The following GALNT13 variants were observed in gnomAD, a reference collection of about 807,000 sequenced individuals.
GALNT13 encodes the protein UDP-GalNAc:polypeptide N-acetylgalactosaminyltransferase 13.
Under a neutral mutation model 64.2 loss-of-function variants are expected in GALNT13, and 28 were observed. The observed-to-expected ratio is 0.44, with a 90% CI of 0.32 to 0.60. The LOEUF is 0.60. GALNT13 is among the 20% of genes least tolerant of loss of function. The pLI, the probability that GALNT13 is intolerant of heterozygous loss-of-function variation, is 0.05. For missense variants in GALNT13, 577 were observed against 669.8 expected, an observed-to-expected ratio of 0.86 and a Z score of 1.53; for synonymous variants, 214 against 224.6, an observed-to-expected ratio of 0.95 and a Z score of 0.42.
chr2:153,637,792 A>G, the GALNT13 span, among the ~76,000 whole-genome samples: 6 of 152,174 alleles, frequency 3.9e-5, no homozygotes, highest in Admixed American at 3.9e-4. Context: ...TTAGGTGCCA[A>G]CTGACATGAT....
chr2:153,502,551 C>G, the GALNT13 span, among the ~76,000 whole-genome samples: 9 of 152,152 alleles, frequency 5.9e-5, no homozygotes, highest in African/African-American at 2.2e-4. Flanking sequence ...TATAAACTTG[C>G]GTGTGCAAGT....
chr2:153,348,904 G>A, the GALNT13 span, among the ~76,000 whole-genome samples: 1 of 152,148 alleles, frequency 6.6e-6, no homozygotes, highest in Non-Finnish European at 1.5e-5. Context: ...TGCCTCTGAG[G>A]ACAGGGATCT....
At chr2:153,367,326 G>A in the GALNT13 span, among the ~76,000 whole-genome samples, 1 of 152,086 alleles carries the variant, frequency 6.6e-6, no homozygotes, top group Admixed American at 6.6e-5. Flanking sequence ...TACATCAGAT[G>A]TGAAGCAGTA....
At chr2:153,236,733 G>A in the GALNT13 span, among the ~76,000 whole-genome samples, 1 of 152,090 alleles carries the variant, frequency 6.6e-6, no homozygotes, top group Non-Finnish European at 1.5e-5. Context: ...CTATGATGGA[G>A]ATGCACAAGG....
At chr2:154,382,948 G>T (rs2105335323) in intron 9 of GALNT13, among the ~76,000 whole-genome samples, 1 of 151,980 alleles carries the variant, frequency 6.6e-6, no homozygotes, top group South Asian at 2.1e-4. Context: ...AGTGCAGAGA[G>T]GTGGGGAGCA....
At chr2:153,679,143 C>T in the GALNT13 span, among the ~76,000 whole-genome samples, 158 of 151,994 alleles carry the variant, frequency 1.0e-3, 1 homozygote, top group Admixed American at 2.2e-3. Flanking sequence ...CCTTGCTTCC[C>T]ACTACATATG....
the GALNT13 span, among the ~76,000 whole-genome samples, chr2:153,561,962 T>C: frequency 2.0e-5 from 3 of 152,114 alleles, no homozygotes; most frequent in South Asian, 6.2e-4. Flanking sequence ...GAAACTCTTA[T>C]TTCTTCTTTA....
the GALNT13 span, among the ~76,000 whole-genome samples, chr2:153,766,878 G>C: frequency 1.3e-5 from 2 of 151,892 alleles, no homozygotes; most frequent in Non-Finnish European, 2.9e-5. Flanking sequence ...CATTTCTTTA[G>C]GGTCCATTAT....
the GALNT13 span, among the ~76,000 whole-genome samples, chr2:153,134,886 T>C: frequency 6.6e-6 from 1 of 152,186 alleles, no homozygotes; most frequent in Non-Finnish European, 1.5e-5. Flanking sequence ...TTGCATCATA[T>C]GCACATTTAA....
At chr2:154,198,881 A>G (rs1188168054) in intron 4 of GALNT13, among the ~76,000 whole-genome samples, 3 of 152,046 alleles carry the variant, frequency 2.0e-5, no homozygotes, top group African/African-American at 7.2e-5. Flanking sequence ...AAATACAGTT[A>G]CTAGAGTAAT....
the GALNT13 span, among the ~76,000 whole-genome samples, chr2:153,403,248 G>C: frequency 2.0e-5 from 3 of 150,868 alleles, no homozygotes; most frequent in Non-Finnish European, 3.0e-5. Flanking sequence ...TCGGGGGTCA[G>C]GGGTCAGGGA....
chr2:153,956,256 A>G (rs1692562534), intron 3 of GALNT13, among the ~76,000 whole-genome samples: 2 of 152,220 alleles, frequency 1.3e-5, no homozygotes, highest in Non-Finnish European at 2.9e-5. Flanking sequence ...TGACAAAAAA[A>G]CTAATGGAGA....
chr2:153,833,637 G>A, the GALNT13 span, among the ~76,000 whole-genome samples: 2 of 152,052 alleles, frequency 1.3e-5, no homozygotes, highest in South Asian at 2.1e-4. Flanking sequence ...ATGTACATAC[G>A]GTTCAGTACT....
chr2:153,604,841 C>A, the GALNT13 span, among the ~76,000 whole-genome samples: 3 of 152,026 alleles, frequency 2.0e-5, no homozygotes, highest in Non-Finnish European at 2.9e-5. Flanking sequence ...GTGTGCCATG[C>A]CCTCTGCTAG....
intron 3 of GALNT13, among the ~76,000 whole-genome samples, chr2:154,098,462 A>G (rs1702184491): frequency 6.6e-6 from 1 of 151,608 alleles, no homozygotes; most frequent in Non-Finnish European, 1.5e-5. Context: ...TTTTAGTATT[A>G]TTTTATATTT....
chr2:154,351,383 T>C (rs1315157973), intron 9 of GALNT13, among the ~76,000 whole-genome samples: 1 of 151,180 alleles, frequency 6.6e-6, no homozygotes, highest in South Asian at 2.1e-4. Context: ...GAAAAAAAAA[T>C]GCAATAGACC....
At chr2:153,210,990 A>T in the GALNT13 span, among the ~76,000 whole-genome samples, 2 of 152,304 alleles carry the variant, frequency 1.3e-5, no homozygotes, top group Admixed American at 6.5e-5. Flanking sequence ...ATAGTTTTAT[A>T]TAGAGCATCT....
At chr2:153,569,564 T>C in the GALNT13 span, among the ~76,000 whole-genome samples, 1 of 151,892 alleles carries the variant, frequency 6.6e-6, no homozygotes, top group African/African-American at 2.4e-5. Context: ...TGTGGGTACA[T>C]AGTAGGTGTA....
At chr2:153,841,907 T>G in the GALNT13 span, among the ~76,000 whole-genome samples, 1 of 152,304 alleles carries the variant, frequency 6.6e-6, no homozygotes, top group South Asian at 2.1e-4. Flanking sequence ...TGATTTGTAC[T>G]GTTAGCGGTT....
Sources: allele counts gnomAD v4.1 joint callset (sites outside exome capture counted in the v4.1 genomes callset), GRCh38; gene constraint gnomAD v4.1.1; transcripts MANE v1.5; gene names NCBI Gene and HGNC (gene_info 2026-07-23, HGNC 2026-07-21).